FSTL4: variants seen among roughly 807,000 people sequenced by gnomAD.
The protein encoded by FSTL4 is follistatin-related protein 4.
FSTL4 carries 28 observed loss-of-function variants against 78.2 expected under a neutral mutation model. The ratio of observed to expected loss-of-function variants is 0.36; its 90% CI spans 0.27 to 0.49. FSTL4 has a LOEUF of 0.49. FSTL4 is among the 20% of genes least tolerant of loss of function. The pLI, the probability that FSTL4 is intolerant of heterozygous loss-of-function variation, is 0.98. For synonymous variants in FSTL4, 422 were observed against 440.5 expected (o/e 0.96, Z 0.53); for missense variants, 922 against 1,084.9 (o/e 0.85, Z 2.11).
chr5:133,322,441 G>A (rs977649122), intron 4 of FSTL4, among the ~76,000 whole-genome samples: 1 of 152,194 alleles, frequency 6.6e-6, no homozygotes, highest in Non-Finnish European at 1.5e-5. Context: ...TCCCTGAGAT[G>A]AGGATCTAGG....
intron 3 of FSTL4, among the ~76,000 whole-genome samples, chr5:133,465,006 C>T (rs779252408): frequency 2.6e-5 from 4 of 152,134 alleles, no homozygotes; most frequent in Admixed American, 6.5e-5. Context: ...TTCAGGTGCT[C>T]GACACCTTCG....
chr5:133,745,037 A>T, the FSTL4 span, among the ~76,000 whole-genome samples: 1 of 152,212 alleles, frequency 6.6e-6, no homozygotes, highest in African/African-American at 2.4e-5. Flanking sequence ...GAGGAGCCGG[A>T]TCTGGCCTTC....
intron 3 of FSTL4, among the ~76,000 whole-genome samples, chr5:133,460,169 C>T (rs1362886087): frequency 2.0e-5 from 3 of 152,260 alleles, no homozygotes; most frequent in Non-Finnish European, 4.4e-5. Context: ...CGCTCCCACA[C>T]TGTGGAGTGT....
the FSTL4 span, among the ~76,000 whole-genome samples, chr5:133,654,731 G>C: frequency 2.0e-5 from 3 of 152,204 alleles, no homozygotes; most frequent in Non-Finnish European, 4.4e-5. Flanking sequence ...GGTGGAGAAA[G>C]AGGACAAAGT....
the FSTL4 span, among the ~76,000 whole-genome samples, chr5:133,642,752 T>C: frequency 3.9e-5 from 6 of 152,376 alleles, no homozygotes; most frequent in African/African-American, 1.4e-4. Context: ...CATTATGCTC[T>C]TGTTAGCTTA....
intron 4 of FSTL4, among the ~76,000 whole-genome samples, chr5:133,324,245 G>A (rs968936758): frequency 1.3e-5 from 2 of 152,174 alleles, no homozygotes; most frequent in Admixed American, 6.5e-5. Context: ...GGGAGACTCC[G>A]AAGAGTCAAG....
At chr5:133,642,749 C>T in the FSTL4 span, among the ~76,000 whole-genome samples, 3 of 152,210 alleles carry the variant, frequency 2.0e-5, no homozygotes, top group Non-Finnish European at 4.4e-5. Flanking sequence ...TTGCATTATG[C>T]TCTTGTTAGC....
At chr5:133,690,631 A>G in the FSTL4 span, among the ~76,000 whole-genome samples, 1 of 152,316 alleles carries the variant, frequency 6.6e-6, no homozygotes, top group African/African-American at 2.4e-5. Flanking sequence ...CTGATGCTCC[A>G]GATGTTTCTA....
rs148168708 is a variant in FSTL4 at position 133,264,161 on chromosome 5, G to T, written c.728-14585C>A. The stretch of plus-strand genomic sequence containing the variant: ...GGAACAGCTCAAAATACACAGAACA[G>T]TCTCCATGACAAAGAATTAAATGGC... On this transcript the variant is annotated intron_variant, in intron 6 of 15. Transcript: ENST00000265342. Among the ~76,000 whole-genome samples the T allele has an allele frequency of 4.5e-3, 687 of 152,296 alleles. 4 individuals are homozygous for T. Among genetic ancestry groups the T allele is most frequent in the African/African-American group, 0.016 (650 of 41,548 alleles).
chr5:133,669,296 TG>T, the FSTL4 span, among the ~76,000 whole-genome samples: 4 of 151,966 alleles, frequency 2.6e-5, no homozygotes, highest in Non-Finnish European at 5.9e-5. Flanking sequence ...AATCCTGAGA[TG>T]GGGGGGCAAG....
chr5:133,600,758 C>T (rs923255409), intron 2 of FSTL4, among the ~76,000 whole-genome samples: 4 of 152,198 alleles, frequency 2.6e-5, no homozygotes, highest in Non-Finnish European at 5.9e-5. Context: ...AAAGGTAAAT[C>T]AAATCTTATT....
chr5:133,361,334 G>A lies in FSTL4; in HGVS notation c.409+39404C>T, dbSNP rs189236841. Among the ~76,000 whole-genome samples, 7 of 152,256 alleles carry A rather than the reference G, an allele frequency of 4.6e-5. No homozygotes were observed. The highest frequency in any genetic ancestry group is 7.2e-5 in the African/African-American group (3 of 41,552). On this transcript the variant is annotated intron_variant, in intron 4 of 15. Coordinates refer to ENST00000265342, the MANE Select transcript of FSTL4 (RefSeq NM_015082.2). This position sits in a 1 kb window ranked among gnomAD's most constrained non-coding sequence, Gnocchi z 4.3. The stretch of plus-strand genomic sequence containing the variant: ...CCTTTGTATGTTATCTTGAGATTTC[G>A]CGGTTGACTGCGATAATCCTTTATA...
intron 3 of FSTL4, among the ~76,000 whole-genome samples, chr5:133,465,490 G>A (rs574333947): frequency 1.3e-5 from 2 of 152,376 alleles, no homozygotes; most frequent in African/African-American, 4.8e-5. Flanking sequence ...GCCCCAAGCA[G>A]GGTGCTGAGC....
At chr5:133,228,067 AC>A (rs1028036354) in intron 8 of FSTL4, among the ~76,000 whole-genome samples, 1 of 152,090 alleles carries the variant, frequency 6.6e-6, no homozygotes, top group African/African-American at 2.4e-5. Flanking sequence ...CCTCTATCAA[AC>A]ATACAAACAT....
intron 13 of FSTL4, among the ~76,000 whole-genome samples, chr5:133,214,720 G>A (rs1305192799): frequency 6.6e-6 from 1 of 152,042 alleles, no homozygotes; most frequent in Non-Finnish European, 1.5e-5. Flanking sequence ...ATAATGAAAG[G>A]ATGTGATTTT....
At chr5:133,257,403 G>A (rs1752407729) in intron 6 of FSTL4, among the ~76,000 whole-genome samples, 1 of 152,196 alleles carries the variant, frequency 6.6e-6, no homozygotes, top group Non-Finnish European at 1.5e-5. Context: ...CTAGTCTGAT[G>A]TAGTATCCTC....
chr5:133,648,810 A>G, the FSTL4 span, among the ~76,000 whole-genome samples: 1 of 151,996 alleles, frequency 6.6e-6, no homozygotes. Flanking sequence ...CTCTCCTACA[A>G]TCAGCATCCC....
Position 133,225,239 on chromosome 5 carries a change from G to C in FSTL4, c.1223C>G (p.Thr408Arg), listed in dbSNP as rs1277123905. 2.5e-6 allele frequency: 4 copies of C among 1,614,068 alleles called. No individual in the cohort carries two copies. Among genetic ancestry groups the C allele is most frequent in the East Asian group, 2.2e-5 (1 of 44,878 alleles). The change falls in exon 10 of 16, where the codon ACA becomes AGA. Residue 408 changes from threonine to arginine, a missense_variant. Transcript: ENST00000265342. This position sits in a 1 kb window ranked among gnomAD's most constrained non-coding sequence, Gnocchi z 4.6. The part of the protein sequence containing the change: ...LHISSVRYED[T>R]GAYTCIAKNE... ...TTTGGCAATGCAGGTGTATGCCCCT[G>C]TGTCTTCATACCGAACACTGCTGAT...
chr5:133,397,903 G>A (rs983610250), intron 4 of FSTL4, among the ~76,000 whole-genome samples: 10 of 152,134 alleles, frequency 6.6e-5, no homozygotes, highest in Admixed American at 5.9e-4. Context: ...GTATTTTTTT[G>A]TTTCCTGTAT....
Sources: gnomAD v4.1 joint callset for allele counts (sites outside exome capture counted in the v4.1 genomes callset) on GRCh38, gnomAD v4.1.1 for gene constraint, Gnocchi (gnomAD v3.1) non-coding constraint, MANE v1.5 for transcripts, NCBI Gene and HGNC (gene_info 2026-07-23, HGNC 2026-07-21) for gene names.